STIM1: variants seen among roughly 807,000 people sequenced by gnomAD.
The protein encoded by STIM1 is stromal interaction molecule 1.
STIM1 carries 25 observed loss-of-function variants against 74.7 expected under a neutral mutation model. The observed-to-expected ratio is 0.33, with a 90% CI of 0.24 to 0.47. STIM1 has a LOEUF of 0.47. STIM1 is among the 20% of genes least tolerant of loss of function. The pLI is 1.00. For missense variants in STIM1, 728 were observed against 920.8 expected, an observed-to-expected ratio of 0.79 and a Z score of 2.71; for synonymous variants, 328 against 348.8, an observed-to-expected ratio of 0.94 and a Z score of 0.66.
At chr11:3,908,706 G>A (rs1175133031) in intron 1 of STIM1, among the ~76,000 whole-genome samples, 4 of 152,066 alleles carry the variant, frequency 2.6e-5, no homozygotes, top group African/African-American at 9.7e-5. Context: ...CAAATAAAAT[G>A]TTATAGAAAG....
chr11:3,909,503 A>G (rs1304591985), intron 1 of STIM1, among the ~76,000 whole-genome samples: 1 of 152,144 alleles, frequency 6.6e-6, no homozygotes, highest in East Asian at 1.9e-4. Context: ...AATATGACAG[A>G]AGTAGAATAG....
intron 1 of STIM1, among the ~76,000 whole-genome samples, chr11:3,956,832 A>AAAAAC (rs2093220284): frequency 7.0e-6 from 1 of 142,164 alleles, no homozygotes; most frequent in Non-Finnish European, 1.5e-5. Context: ...CCAAAAAAAA[A>AAAAAC]AAAAAAAAAA....
chr11:4,008,064 G>T (rs2093800476), intron 2 of STIM1, among the ~76,000 whole-genome samples: 1 of 151,868 alleles, frequency 6.6e-6, no homozygotes, highest in African/African-American at 2.4e-5. Flanking sequence ...ATAGTCATAG[G>T]CCACATAAGG....
intron 1 of STIM1, among the ~76,000 whole-genome samples, chr11:3,915,600 TGTTA>T (rs1399369896): frequency 6.6e-6 from 1 of 152,038 alleles, no homozygotes; most frequent in Non-Finnish European, 1.5e-5. Flanking sequence ...GGTTTCACGG[TGTTA>T]GCCAGGATGG....
intron 2 of STIM1, among the ~76,000 whole-genome samples, chr11:3,980,642 G>C (rs549912751): frequency 1.4e-5 from 2 of 146,482 alleles, no homozygotes; most frequent in South Asian, 2.1e-4. Flanking sequence ...ACACATTTCA[G>C]TGCAATGCCT....
At chr11:4,062,122 G>A (rs936592728) in intron 5 of STIM1, among the ~76,000 whole-genome samples, 6 of 152,066 alleles carry the variant, frequency 3.9e-5, no homozygotes, top group African/African-American at 1.4e-4. Context: ...CTTTAAAATG[G>A]TTACTTTTAT....
chr11:3,902,438 C>T (rs985505934), intron 1 of STIM1, among the ~76,000 whole-genome samples: 3 of 152,088 alleles, frequency 2.0e-5, no homozygotes, highest in South Asian at 2.1e-4. Flanking sequence ...GACCAGGGTG[C>T]GGGGTGGGGA....
intron 1 of STIM1, among the ~76,000 whole-genome samples, chr11:3,865,582 T>C (rs2090823636): frequency 6.6e-6 from 1 of 152,230 alleles, no homozygotes; most frequent in East Asian, 1.9e-4. Context: ...CTGTTTCCTA[T>C]GGTGCCTAAT....
chr11:3,978,590 G>A (rs758235135), intron 2 of STIM1, among the ~76,000 whole-genome samples: 81 of 151,710 alleles, frequency 5.3e-4, no homozygotes, highest in Middle Eastern at 3.4e-3. Context: ...GTGAAACCCC[G>A]TCTCTACTAA....
chr11:4,022,356 A>G (rs1455237023), intron 2 of STIM1, among the ~76,000 whole-genome samples: 2 of 142,820 alleles, frequency 1.4e-5, no homozygotes, highest in Non-Finnish European at 3.1e-5. Flanking sequence ...AAAAAAAAAA[A>G]GAGAGAAGAT....
At chr11:4,082,682 T>TC (rs1278258178) in intron 8 of STIM1, among the ~76,000 whole-genome samples, 200 bp from the exon 9 acceptor site, 1 of 152,172 alleles carries the variant, frequency 6.6e-6, no homozygotes, top group African/African-American at 2.4e-5. Context: ...CCTTTGCTTC[T>TC]CCCCTCGCTT....
At chr11:3,873,670 C>T (rs1162109369) in intron 1 of STIM1, among the ~76,000 whole-genome samples, 1 of 151,982 alleles carries the variant, frequency 6.6e-6, no homozygotes, top group Non-Finnish European at 1.5e-5. Flanking sequence ...AGGGGTGGAG[C>T]CTGGCAAGAG....
intron 3 of STIM1, among the ~76,000 whole-genome samples, chr11:4,049,123 C>T (rs1235775380): frequency 2.6e-5 from 4 of 152,320 alleles, no homozygotes; most frequent in Non-Finnish European, 4.4e-5. Flanking sequence ...TAGTGCTCCA[C>T]GTATGGTGAT....
chr11:4,058,955 A>C, intron 4 of STIM1: 1 of 1,144,654 alleles, frequency 8.7e-7, no homozygotes, highest in African/African-American at 1.6e-5. Flanking sequence ...AGGTGGGGAA[A>C]ATATGTAGAG....
chr11:3,931,751 A>G (rs761114111), intron 1 of STIM1, among the ~76,000 whole-genome samples: 12 of 152,200 alleles, frequency 7.9e-5, no homozygotes, highest in Non-Finnish European at 1.8e-4. Flanking sequence ...AGCAATAACA[A>G]GCATTCCCTT....
At chr11:3,951,816 C>T (rs2093152182) in intron 1 of STIM1, among the ~76,000 whole-genome samples, 1 of 152,142 alleles carries the variant, frequency 6.6e-6, no homozygotes, top group South Asian at 2.1e-4. Context: ...TTTTGGCTAT[C>T]TCAGACCCTG....
At chr11:4,052,558 C>A (rs996709493) in intron 3 of STIM1, among the ~76,000 whole-genome samples, 1 of 152,136 alleles carries the variant, frequency 6.6e-6, no homozygotes, top group Non-Finnish European at 1.5e-5. Context: ...AAACTGGATC[C>A]CTTCCTTACA....
chr11:4,083,319 A>G lies in STIM1; in HGVS notation c.1295A>G (p.Gln432Arg). The G allele has an allele frequency of 6.2e-7, 1 of 1,614,268 alleles. No individual in the cohort carries two copies. Among genetic ancestry groups the G allele is most frequent in the Non-Finnish European group, 8.5e-7 (1 of 1,180,056 alleles). Residue 432 changes from glutamine (Q) to arginine (R), a missense_variant, in exon 10 of 13, where the codon CAG becomes CGG. Transcript: ENST00000526596. ...ALRERLHRWQ[Q>R]IEILCGFQIV... Reference sequence around the variant, plus strand: ...CGGGAGCGCCTGCACCGCTGGCAACAGATCGAGATCCTCTGTGGCTTCCAG... The same window carrying G: ...CGGGAGCGCCTGCACCGCTGGCAACGGATCGAGATCCTCTGTGGCTTCCAG...
intron 1 of STIM1, among the ~76,000 whole-genome samples, chr11:3,900,622 A>G (rs1300688611): frequency 6.6e-6 from 1 of 152,094 alleles, no homozygotes; most frequent in Non-Finnish European, 1.5e-5. Context: ...CTTTCCCTCT[A>G]TTGCCCAGGC....
Sources: gnomAD v4.1 joint callset for allele counts (sites outside exome capture counted in the v4.1 genomes callset) on GRCh38, gnomAD v4.1.1 for gene constraint, MANE v1.5 for transcripts, NCBI Gene and HGNC (gene_info 2026-07-23, HGNC 2026-07-21) for gene names.